Variants in SLC24A3 observed in about 807,000 individuals in gnomAD.
The protein encoded by SLC24A3 is sodium/potassium/calcium exchanger 3.
Under a neutral mutation model 75.8 loss-of-function variants are expected in SLC24A3, and 28 were observed. The ratio of observed to expected loss-of-function variants is 0.37; its 90% confidence interval spans 0.27 to 0.51. SLC24A3 has a LOEUF of 0.51. SLC24A3 is among the 20% of genes least tolerant of loss of function. The pLI is 0.94. For missense variants in SLC24A3, 663 were observed against 847.8 expected (o/e 0.78, Z 2.71); for synonymous variants, 372 against 334.1 (o/e 1.11, Z -1.24).
intron 6 of SLC24A3, among the ~76,000 whole-genome samples, chr20:19,645,389 G>A (rs6046225): frequency 0.08 from 12,211 of 152,152 alleles, 1,035 homozygotes; most frequent in African/African-American, 0.21. Flanking sequence ...TTTTAGATCA[G>A]GGATCACAGA....
chr20:19,326,592 T>C (rs1984869073), intron 2 of SLC24A3, among the ~76,000 whole-genome samples: 4 of 150,634 alleles, frequency 2.7e-5, no homozygotes. Flanking sequence ...TTTTTTTTTT[T>C]CTTGAGATAG....
intron 1 of SLC24A3, among the ~76,000 whole-genome samples, chr20:19,230,944 A>G (rs181246772): frequency 3.9e-4 from 59 of 152,320 alleles, no homozygotes; most frequent in Admixed American, 2.0e-3. Context: ...GTTTGTTACA[A>G]AGAAAAAGAA....
At chr20:19,325,840 G>GAGAGAGAGAGAGA (rs1568589959) in intron 2 of SLC24A3, among the ~76,000 whole-genome samples, 1 of 43,212 alleles carries the variant, frequency 2.3e-5, no homozygotes, top group Admixed American at 2.6e-4. Context: ...AGAGAGAGAG[G>GAGAGAGAGAGAGA]GAGACATCTG....
chr20:19,384,961 A>G (rs1327188480), intron 2 of SLC24A3, among the ~76,000 whole-genome samples: 1 of 152,000 alleles, frequency 6.6e-6, no homozygotes, highest in Non-Finnish European at 1.5e-5. Flanking sequence ...TTTTATCAGG[A>G]CCCTTGATCA....
At chr20:19,511,345 T>G (rs983161023) in intron 2 of SLC24A3, among the ~76,000 whole-genome samples, 2 of 144,436 alleles carry the variant, frequency 1.4e-5, no homozygotes, top group Non-Finnish European at 3.1e-5. Flanking sequence ...TTTTTTTTTT[T>G]GAGATGGAGT....
At chr20:19,515,461 A>T in intron 2 of SLC24A3, 27 bp from the exon 3 acceptor site, 1 of 1,612,660 alleles carries the variant, frequency 6.2e-7, no homozygotes, top group Non-Finnish European at 8.5e-7. Context: ...ACCTGTGCTG[A>T]GACGGTTTTC....
chr20:19,539,207 T>A (rs1600271925), intron 3 of SLC24A3, among the ~76,000 whole-genome samples: 1 of 152,366 alleles, frequency 6.6e-6, no homozygotes, highest in East Asian at 1.9e-4. Context: ...AGGTATTCAC[T>A]TCTAATACGT....
intron 2 of SLC24A3, among the ~76,000 whole-genome samples, chr20:19,491,645 C>G (rs550937094): frequency 6.6e-6 from 1 of 152,174 alleles, no homozygotes. Context: ...CACCCCTGCC[C>G]CTCCTCTGTT....
chr20:19,544,483 C>G lies in SLC24A3; in HGVS notation c.348+28919C>G, dbSNP rs58881198. Among the ~76,000 whole-genome samples, 414 of 152,204 alleles carry G rather than the reference C, an allele frequency of 2.7e-3. 2 individuals are homozygous for G. The highest frequency in any genetic ancestry group is 9.5e-3 in the African/African-American group (394 of 41,520). Reference sequence around the variant, plus strand: ...GCATAAAAGTAACGTGAAATTCTAGCGCTTGTGTACAGATGTGGGAGGGGA... The same window carrying G: ...GCATAAAAGTAACGTGAAATTCTAGGGCTTGTGTACAGATGTGGGAGGGGA... On this transcript the variant is annotated intron_variant, in intron 3 of 16. Transcript: ENST00000328041.
intron 15 of SLC24A3, among the ~76,000 whole-genome samples, chr20:19,708,760 A>G (rs11699949): frequency 0.087 from 13,177 of 152,246 alleles, 1,007 homozygotes; most frequent in East Asian, 0.22. Flanking sequence ...GAGGCTTCTC[A>G]AGGTTATTCA....
At chr20:19,261,449 C>T (rs1982984159) in intron 1 of SLC24A3, among the ~76,000 whole-genome samples, 1 of 152,150 alleles carries the variant, frequency 6.6e-6, no homozygotes, top group Non-Finnish European at 1.5e-5. Flanking sequence ...TCAAGTGGCT[C>T]CCACCTCAGC....
chr20:19,629,071 A>G (rs2424238), intron 6 of SLC24A3, among the ~76,000 whole-genome samples: 11,132 of 152,234 alleles, frequency 0.073, 961 homozygotes, highest in African/African-American at 0.21. Flanking sequence ...ATAAAGATTT[A>G]TGAATTACCT....
chr20:19,449,878 A>G (rs1987452066), intron 2 of SLC24A3, among the ~76,000 whole-genome samples: 1 of 152,204 alleles, frequency 6.6e-6, no homozygotes, highest in Non-Finnish European at 1.5e-5. Flanking sequence ...ACTTTTTAGA[A>G]AGGAGCATTA....
At chr20:19,542,679 T>C (rs1483163033) in intron 3 of SLC24A3, among the ~76,000 whole-genome samples, 1 of 152,198 alleles carries the variant, frequency 6.6e-6, no homozygotes, top group African/African-American at 2.4e-5. Flanking sequence ...AGATTGAGGC[T>C]GTGCCTAAGG....
rs371223169 is a variant in SLC24A3 at position 19,539,215 on chromosome 20, C to T, written c.348+23651C>T. Among the ~76,000 whole-genome samples the T allele has an allele frequency of 6.6e-5, 10 of 152,304 alleles. 2 individuals carry two copies. ...TCATTCAAGGTATTCACTTCTAATA[C>T]GTCCATTCCAATTAGAAGGAAACAT... On this transcript the variant is annotated intron_variant, in intron 3 of 16. Coordinates refer to ENST00000328041, the MANE Select transcript of SLC24A3 (RefSeq NM_020689.4).
At chr20:19,636,461 T>C (rs1294559063) in intron 6 of SLC24A3, among the ~76,000 whole-genome samples, 1 of 152,216 alleles carries the variant, frequency 6.6e-6, no homozygotes, top group Admixed American at 6.5e-5. Flanking sequence ...GGGAGGTTTG[T>C]AACTGAGAGA....
intron 6 of SLC24A3, among the ~76,000 whole-genome samples, chr20:19,589,584 A>C (rs1160295858): frequency 6.6e-6 from 1 of 152,164 alleles, no homozygotes; most frequent in African/African-American, 2.4e-5. Flanking sequence ...AAAACAATAC[A>C]CTTCCTGGGT....
intron 1 of SLC24A3, among the ~76,000 whole-genome samples, chr20:19,274,525 T>C (rs574744831): frequency 6.6e-5 from 10 of 152,158 alleles, no homozygotes; most frequent in South Asian, 2.1e-4. Flanking sequence ...CCTTCTGGGT[T>C]AGGAGAGCTC....
intron 2 of SLC24A3, among the ~76,000 whole-genome samples, chr20:19,459,189 G>C (rs554456162): frequency 9.9e-4 from 151 of 152,270 alleles, no homozygotes; most frequent in African/African-American, 3.5e-3. Flanking sequence ...TGCTTTCAAT[G>C]GAAAATATAT....
Sources: gnomAD v4.1 joint callset for allele counts (sites outside exome capture counted in the v4.1 genomes callset) on GRCh38, gnomAD v4.1.1 for gene constraint, MANE v1.5 for transcripts, NCBI Gene and HGNC (gene_info 2026-07-23, HGNC 2026-07-21) for gene names.